The following KIF21A variants were observed in gnomAD, a reference collection of about 807,000 sequenced individuals.
The protein encoded by KIF21A is kinesin family member 21A, also known as kinesin-like protein KIF21A.
KIF21A carries 114 observed loss-of-function variants against 202.9 expected under a neutral mutation model. The observed-to-expected ratio is 0.56, with a 90% CI of 0.48 to 0.66. The LOEUF (loss-of-function observed/expected upper bound fraction) is 0.66. KIF21A is among the 30% of genes least tolerant of loss of function. The pLI is 0.00. For synonymous variants in KIF21A, 667 were observed against 670.8 expected, an observed-to-expected ratio of 0.99 and a Z score of 0.09; for missense variants, 1,677 against 1,994.9, an observed-to-expected ratio of 0.84 and a Z score of 3.04.
chr12:39,442,674 G>A lies in KIF21A; in HGVS notation c.44+253C>T, dbSNP rs1048905896. On this transcript the variant is annotated intron_variant, in intron 1 of 37. Coordinates refer to ENST00000361418, the MANE Select transcript of KIF21A (RefSeq NM_001173464.2). This position sits in a 1 kb window ranked among gnomAD's most constrained non-coding sequence, Gnocchi z 5.0. ...CAGAGAAGTCAAGACGCCCCCCAGGGACCCGGCGCCGCGCAGCCGCCAGCC... is the reference window on the plus strand; with the variant it reads ...CAGAGAAGTCAAGACGCCCCCCAGGAACCCGGCGCCGCGCAGCCGCCAGCC... Among the ~76,000 whole-genome samples the A allele has an allele frequency of 1.3e-5, 2 of 152,150 alleles. No homozygotes were observed. The highest frequency in any genetic ancestry group is 6.5e-5 in the Admixed American group (1 of 15,276).
chr12:39,435,525 G>A (rs1468432053), intron 1 of KIF21A, among the ~76,000 whole-genome samples: 5 of 152,118 alleles, frequency 3.3e-5, no homozygotes, highest in African/African-American at 1.2e-4. Flanking sequence ...AATGTACTCT[G>A]TATTTCCTTC....
intron 11 of KIF21A, among the ~76,000 whole-genome samples, chr12:39,351,052 C>T (rs1948331698): frequency 6.6e-6 from 1 of 152,082 alleles, no homozygotes; most frequent in South Asian, 2.1e-4. Flanking sequence ...TCTGACTGCA[C>T]CATAGAATCA....
At chr12:39,420,074 T>TAAAAAAA (rs72435342) in intron 1 of KIF21A, among the ~76,000 whole-genome samples, 1 of 83,128 alleles carries the variant, frequency 1.2e-5, no homozygotes, top group Non-Finnish European at 2.4e-5. Flanking sequence ...AGACAGAAAG[T>TAAAAAAA]AAAAAAAAAA....
chr12:39,430,817 G>T (rs1352012353), intron 1 of KIF21A, among the ~76,000 whole-genome samples: 1 of 151,934 alleles, frequency 6.6e-6, no homozygotes, highest in East Asian at 1.9e-4. Context: ...ATTAGATAAG[G>T]TCATAGAGGA....
chr12:39,300,615 G>T (rs971145835), intron 37 of KIF21A, among the ~76,000 whole-genome samples: 4 of 146,828 alleles, frequency 2.7e-5, no homozygotes, highest in African/African-American at 1.0e-4. Flanking sequence ...ATAGTCATAA[G>T]AAATTACATT....
intron 27 of KIF21A, among the ~76,000 whole-genome samples, chr12:39,320,966 GA>G (rs1182012787): frequency 2.4e-4 from 33 of 139,356 alleles, no homozygotes; most frequent in African/African-American, 7.6e-4. Context: ...AAAAGTCTGG[GA>G]AAAAAAAAAC....
chr12:39,373,061 C>T (rs1472338895), intron 1 of KIF21A, among the ~76,000 whole-genome samples: 2 of 151,324 alleles, frequency 1.3e-5, no homozygotes, highest in Admixed American at 6.6e-5. Flanking sequence ...ACCAGTCTTC[C>T]TGTGTCAACT....
chr12:39,323,708 GC>G lies in KIF21A; in HGVS notation c.3457-827del, dbSNP rs112692399. Among the ~76,000 whole-genome samples, 396 of 152,304 alleles carry G rather than the reference GC, an allele frequency of 2.6e-3. 4 individuals are homozygous for G. Among genetic ancestry groups the G allele is most frequent in the African/African-American group, 8.7e-3 (362 of 41,572 alleles). On this transcript the variant is annotated intron_variant, in intron 26 of 37. Coordinates refer to ENST00000361418, the MANE Select transcript of KIF21A (RefSeq NM_001173464.2). ...CCAGATTATAAGCCTCCAGAAAGGA[GC>G]AAACTTGTTTTTTCAGCTGTATAGC... is the stretch of plus-strand genomic sequence containing the variant.
chr12:39,322,336 T>C, intron 27 of KIF21A: 1 of 199,378 alleles, frequency 5.0e-6, no homozygotes. Context: ...TACATAATAG[T>C]TATATAATGG....
Position 39,420,110 on chromosome 12 carries a change from G to A in KIF21A, c.44+22817C>T, listed in dbSNP as rs557840414. Among the ~76,000 whole-genome samples, 16 of 148,728 alleles carry A rather than the reference G, an allele frequency of 1.1e-4. No individual in the cohort carries two copies. In the South Asian group the frequency reaches 3.5e-3, roughly 32 times the overall value. ...AAAAAAAAAAAAAAATGAGAGGGCA[G>A]TAACTCAACAAGCAAGCTGCACTTT... is the stretch of plus-strand genomic sequence containing the variant. On this transcript the variant is annotated intron_variant, in intron 1 of 37. Transcript: ENST00000361418.
intron 1 of KIF21A, among the ~76,000 whole-genome samples, chr12:39,423,780 G>A (rs1165863607): frequency 2.6e-5 from 4 of 151,716 alleles, no homozygotes; most frequent in Admixed American, 2.6e-4. Flanking sequence ...TCAAGAGATC[G>A]AGACCACCCT....
In KIF21A at chr12:39,309,601, C is replaced by A; in HGVS notation, c.4262G>T (p.Cys1421Phe). 1 of 1,610,904 alleles carries A rather than the reference C, an allele frequency of 6.2e-7. No homozygotes were observed. Residue 1421 changes from cysteine (C) to phenylalanine (F), a missense_variant, in exon 33 of 38, where the codon TGC becomes TTC. By Grantham distance (205) the Cys-to-Phe change is radical. Coordinates refer to ENST00000361418, the MANE Select transcript of KIF21A (RefSeq NM_001173464.2). ...AGTTACTTACGTTAGTGTTCGAATGCACTTTGCTGAATCTCTGATATCCCA... is the reference window on the plus strand; with the variant it reads ...AGTTACTTACGTTAGTGTTCGAATGAACTTTGCTGAATCTCTGATATCCCA... ...KVWDIRDSAK[C>F]IRTLTSSGQV...
intron 1 of KIF21A, among the ~76,000 whole-genome samples, chr12:39,381,387 C>T (rs985663171): frequency 2.0e-5 from 3 of 151,448 alleles, no homozygotes; most frequent in Non-Finnish European, 2.9e-5. Flanking sequence ...CATCCTTGAT[C>T]CCAGAGGTAT....
chr12:39,320,635 A>G (rs1945110870), intron 27 of KIF21A, among the ~76,000 whole-genome samples: 1 of 143,546 alleles, frequency 7.0e-6, no homozygotes, highest in Non-Finnish European at 1.5e-5. Flanking sequence ...ATTTTAACTG[A>G]AAAAAAAAAA....
chr12:39,392,922 AAG>A, intron 1 of KIF21A, among the ~76,000 whole-genome samples: 1 of 148,786 alleles, frequency 6.7e-6, no homozygotes, highest in East Asian at 2.0e-4. Context: ...ATAAAATAAA[AAG>A]GTAATAAAAT....
chr12:39,332,498 T>C (rs556221166), intron 20 of KIF21A, 90 bp from the exon 21 acceptor site: 5 of 724,952 alleles, frequency 6.9e-6, no homozygotes, highest in Admixed American at 2.4e-5. Flanking sequence ...AAAAAAAACT[T>C]GGTAAGTGTT....
At chr12:39,388,088 T>C (rs1331240719) in intron 1 of KIF21A, among the ~76,000 whole-genome samples, 1 of 152,150 alleles carries the variant, frequency 6.6e-6, no homozygotes, top group Admixed American at 6.5e-5. Context: ...AAACTTCTGG[T>C]TGAAGTTTGA....
rs181265002 is a variant in KIF21A at position 39,405,195 on chromosome 12, T to C, written c.45-34934A>G. On this transcript the variant is annotated intron_variant, in intron 1 of 37. Transcript: ENST00000361418. ...GGTGAAACCCAGTCTCTACTAAAAA[T>C]ACAAAAATTAGCTGGGCATGGTGGC... Among the ~76,000 whole-genome samples the C allele has an allele frequency of 2.1e-3, 315 of 152,084 alleles. 3 individuals are homozygous for C. The highest frequency in any genetic ancestry group is 7.1e-3 in the African/African-American group (296 of 41,510).
intron 1 of KIF21A, among the ~76,000 whole-genome samples, chr12:39,405,894 T>G (rs1316417194): frequency 1.3e-5 from 2 of 152,130 alleles, no homozygotes; most frequent in Non-Finnish European, 2.9e-5. Flanking sequence ...GTGGACAAAA[T>G]AGTAACAAGA....
Sources: gnomAD v4.1 joint callset for allele counts (sites outside exome capture counted in the v4.1 genomes callset) on GRCh38, gnomAD v4.1.1 for gene constraint, Gnocchi (gnomAD v3.1) non-coding constraint, MANE v1.5 for transcripts, NCBI Gene and HGNC (gene_info 2026-07-23, HGNC 2026-07-21) for gene names.